The following AGTPBP1 variants were observed in gnomAD, a reference collection of about 807,000 sequenced individuals.
AGTPBP1 encodes the protein ATP/GTP binding carboxypeptidase 1, also known as cytosolic carboxypeptidase 1.
In AGTPBP1, 70 loss-of-function variants were observed where a neutral mutation model predicts 143.9. That is an observed-to-expected ratio of 0.49 (90% confidence interval 0.40 to 0.59). The LOEUF is 0.59. Among genes scored for constraint, AGTPBP1 ranks in the 20% least tolerant of loss-of-function variants. AGTPBP1 has a pLI of 0.00. For missense variants in AGTPBP1, 1,229 were observed against 1,464.5 expected (o/e 0.84, Z 2.62); for synonymous variants, 463 against 500.2 (o/e 0.93, Z 0.99).
the AGTPBP1 span, among the ~76,000 whole-genome samples, chr9:85,797,464 G>A: frequency 1.7e-4 from 26 of 152,256 alleles, no homozygotes; most frequent in Admixed American, 1.3e-3. Flanking sequence ...TTCCACCAGA[G>A]TTGTGAAATT....
chr9:85,620,355 A>C (rs1397684007), intron 15 of AGTPBP1, among the ~76,000 whole-genome samples: 2 of 150,956 alleles, frequency 1.3e-5, no homozygotes, highest in African/African-American at 4.9e-5. Flanking sequence ...CAGAGGTTAC[A>C]GTGGGCCGAG....
intron 7 of AGTPBP1, among the ~76,000 whole-genome samples, chr9:85,669,881 A>G (rs1418345477): frequency 6.6e-6 from 1 of 152,068 alleles, no homozygotes; most frequent in Non-Finnish European, 1.5e-5. Context: ...CTCACTGAAC[A>G]CCAGGTTATG....
intron 13 of AGTPBP1, among the ~76,000 whole-genome samples, chr9:85,639,563 G>C (rs773293391): frequency 1.3e-5 from 2 of 152,126 alleles, no homozygotes; most frequent in Non-Finnish European, 2.9e-5. Flanking sequence ...AGTAATTTCA[G>C]GATTTAGCAT....
At chr9:85,787,331 A>G in the AGTPBP1 span, among the ~76,000 whole-genome samples, 1 of 152,138 alleles carries the variant, frequency 6.6e-6, no homozygotes, top group African/African-American at 2.4e-5. Context: ...ATTATAGAAT[A>G]AAACTAAAGC....
intron 10 of AGTPBP1, among the ~76,000 whole-genome samples, chr9:85,656,657 C>T (rs1385610180): frequency 6.6e-6 from 1 of 152,004 alleles, no homozygotes; most frequent in Middle Eastern, 3.2e-3. Flanking sequence ...CCATGGCTGA[C>T]AGTCAGCACA....
At chr9:85,677,045 A>T (rs1834871994) in intron 6 of AGTPBP1, among the ~76,000 whole-genome samples, 1 of 152,188 alleles carries the variant, frequency 6.6e-6, no homozygotes, top group South Asian at 2.1e-4. Flanking sequence ...GGTAATGGAG[A>T]GCGGGAGATA....
intron 1 of AGTPBP1, among the ~76,000 whole-genome samples, chr9:85,737,191 C>T (rs1221779805): frequency 6.6e-6 from 1 of 152,158 alleles, no homozygotes; most frequent in African/African-American, 2.4e-5. Flanking sequence ...TTTTTATGCA[C>T]CTTTTTATGT....
intron 1 of AGTPBP1, among the ~76,000 whole-genome samples, chr9:85,736,922 C>T (rs575981145): frequency 1.3e-5 from 2 of 152,192 alleles, no homozygotes; most frequent in South Asian, 2.1e-4. Context: ...CTGGCTAACG[C>T]GGTGAAACCC....
chr9:85,667,194 T>C (rs1834181847), intron 8 of AGTPBP1, among the ~76,000 whole-genome samples: 1 of 152,144 alleles, frequency 6.6e-6, no homozygotes, highest in Admixed American at 6.6e-5. Context: ...TCAGATACTC[T>C]GGGATTGTGT....
At chr9:85,646,292 G>T (rs1422872136) in intron 12 of AGTPBP1, 29 bp downstream of exon 12, 1 of 1,522,882 alleles carries the variant, frequency 6.6e-7, no homozygotes, top group Admixed American at 1.7e-5. Context: ...CATTTATAAA[G>T]CTAACTAATT....
chr9:85,562,943 C>T (rs1290602354), intron 25 of AGTPBP1, among the ~76,000 whole-genome samples: 2 of 152,052 alleles, frequency 1.3e-5, no homozygotes, highest in Non-Finnish European at 2.9e-5. Context: ...GATTAGTGCC[C>T]TTATAAAAGA....
At chr9:85,630,345 C>T (rs967648488) in intron 14 of AGTPBP1, among the ~76,000 whole-genome samples, 1 of 151,938 alleles carries the variant, frequency 6.6e-6, no homozygotes, top group African/African-American at 2.4e-5. Context: ...CTCTATCCCC[C>T]AGGATCAATT....
At chr9:85,695,378 A>C (rs1216801261) in intron 2 of AGTPBP1, among the ~76,000 whole-genome samples, 6 of 152,208 alleles carry the variant, frequency 3.9e-5, no homozygotes, top group African/African-American at 1.4e-4. Context: ...TTTAAAAAAA[A>C]ATGCTAAGGG....
the AGTPBP1 span, among the ~76,000 whole-genome samples, chr9:85,768,004 T>C: frequency 1.3e-5 from 2 of 152,172 alleles, no homozygotes; most frequent in Non-Finnish European, 2.9e-5. Context: ...TGCTCTATCA[T>C]AAAGCAGAGT....
the AGTPBP1 span, among the ~76,000 whole-genome samples, chr9:85,799,705 G>A: frequency 6.6e-6 from 1 of 152,070 alleles, no homozygotes; most frequent in Non-Finnish European, 1.5e-5. Flanking sequence ...TTTCGTAGAG[G>A]TGGGATCTCA....
chr9:85,558,832 TG>T (rs1194089433), intron 25 of AGTPBP1, among the ~76,000 whole-genome samples: 8 of 152,218 alleles, frequency 5.3e-5, no homozygotes, highest in African/African-American at 1.7e-4. Flanking sequence ...TTGCCCAGGC[TG>T]GTCTCAAACT....
intron 2 of AGTPBP1, among the ~76,000 whole-genome samples, chr9:85,704,163 G>A (rs1836840218): frequency 6.6e-6 from 1 of 152,158 alleles, no homozygotes; most frequent in Admixed American, 6.5e-5. Context: ...TTCAGGTAAT[G>A]TAAGAAAGCA....
At chr9:85,676,076 T>C (rs193235128) in intron 6 of AGTPBP1, among the ~76,000 whole-genome samples, 115 of 152,222 alleles carry the variant, frequency 7.6e-4, no homozygotes, top group South Asian at 1.5e-3. Flanking sequence ...CTGTAGCATG[T>C]TAGATTGTAA....
chr9:85,789,443 A>G, the AGTPBP1 span, among the ~76,000 whole-genome samples: 4 of 151,752 alleles, frequency 2.6e-5, no homozygotes, highest in Non-Finnish European at 5.9e-5. Context: ...TTTTTTGTTC[A>G]TTACGTTCTT....
Sources: allele counts gnomAD v4.1 joint callset (sites outside exome capture counted in the v4.1 genomes callset), GRCh38; gene constraint gnomAD v4.1.1; transcripts MANE v1.5; gene names NCBI Gene and HGNC (gene_info 2026-07-23, HGNC 2026-07-21).